The following TBC1D5 variants were observed in gnomAD, a reference collection of about 807,000 sequenced individuals.
TBC1D5 encodes TBC1 domain family member 5, also known as TBC1 domain family, member 5.
Under a neutral mutation model 100.3 loss-of-function variants are expected in TBC1D5, and 75 were observed. The ratio of observed to expected loss-of-function variants is 0.75; its 90% CI spans 0.62 to 0.91. The LOEUF (loss-of-function observed/expected upper bound fraction) is 0.91, where lower values mean the gene tolerates loss of function less well. Among genes scored for constraint, TBC1D5 ranks in the 40% least tolerant of loss-of-function variants. The probability of loss-of-function intolerance (pLI) is 0.00; values close to 1 mark genes in which losing one functional copy is unlikely to be tolerated. For missense variants in TBC1D5, 910 were observed against 942.4 expected (o/e 0.97, Z 0.45); for synonymous variants, 323 against 325.6 (o/e 0.99, Z 0.09).
intron 3 of TBC1D5, among the ~76,000 whole-genome samples, chr3:17,495,253 T>G (rs1480657634): frequency 6.6e-6 from 1 of 152,254 alleles, no homozygotes; most frequent in East Asian, 1.9e-4. Flanking sequence ...TACTTAAATA[T>G]TTATTGCCTA....
chr3:17,735,143 G>C (rs578068898), intron 1 of TBC1D5, among the ~76,000 whole-genome samples: 39 of 152,156 alleles, frequency 2.6e-4, no homozygotes, highest in Admixed American at 1.8e-3. Flanking sequence ...TTTTGACCCA[G>C]CAATTCCACC....
At chr3:17,528,465 A>C (rs1056995191) in intron 2 of TBC1D5, among the ~76,000 whole-genome samples, 1 of 152,214 alleles carries the variant, frequency 6.6e-6, no homozygotes, top group African/African-American at 2.4e-5. Context: ...ACCTGCTCTC[A>C]TCTTGATCTT....
chr3:17,178,716 G>A (rs1003243355), intron 19 of TBC1D5, among the ~76,000 whole-genome samples: 1 of 152,078 alleles, frequency 6.6e-6, no homozygotes, highest in Non-Finnish European at 1.5e-5. Flanking sequence ...GCAGTGGCAT[G>A]AGCATCCGCC....
chr3:17,181,777 T>G (rs2068479454), intron 19 of TBC1D5, among the ~76,000 whole-genome samples: 1 of 152,210 alleles, frequency 6.6e-6, no homozygotes, highest in Non-Finnish European at 1.5e-5. Flanking sequence ...ATAACCTTCC[T>G]TTTACCTAGG....
At chr3:17,189,251 T>C (rs1020852767) in intron 18 of TBC1D5, among the ~76,000 whole-genome samples, 1 of 152,228 alleles carries the variant, frequency 6.6e-6, no homozygotes, top group Non-Finnish European at 1.5e-5. Flanking sequence ...ATACAAAGTT[T>C]TATGATTCAC....
chr3:17,724,974 A>G (rs112625465), intron 1 of TBC1D5, among the ~76,000 whole-genome samples: 24 of 152,246 alleles, frequency 1.6e-4, no homozygotes, highest in African/African-American at 5.3e-4. Context: ...TCACTTGTAG[A>G]GGCTTCATTG....
At chr3:17,690,723 T>C (rs2153828371) in intron 1 of TBC1D5, among the ~76,000 whole-genome samples, 1 of 152,270 alleles carries the variant, frequency 6.6e-6, no homozygotes, top group East Asian at 1.9e-4. Flanking sequence ...GGTTGCGTGC[T>C]CCTTATGAGA....
intron 3 of TBC1D5, among the ~76,000 whole-genome samples, chr3:17,434,993 T>C (rs550204121): frequency 3.9e-5 from 6 of 152,352 alleles, no homozygotes; most frequent in African/African-American, 1.2e-4. Context: ...TCTGTTTGCA[T>C]AGCAAGAGTT....
Position 17,399,808 on chromosome 3 carries a change from C to T in TBC1D5, c.509+3373G>A, listed in dbSNP as rs545214884. Among the ~76,000 whole-genome samples, 4 of 152,230 alleles carry T rather than the reference C, an allele frequency of 2.6e-5. No homozygotes were observed. In the East Asian group the frequency reaches 7.7e-4, roughly 29 times the overall value. ...TGACTTCTTTTTGCTCCTCTAAACA[C>T]TGAGCTCATTTTCATTGAGAAACTA... On this transcript the variant is annotated intron_variant, in intron 8 of 21. Coordinates refer to ENST00000253692, the Ensembl canonical transcript of TBC1D5.
chr3:17,279,883 T>C (rs754435211), intron 15 of TBC1D5, among the ~76,000 whole-genome samples: 5 of 152,338 alleles, frequency 3.3e-5, no homozygotes, highest in Admixed American at 6.5e-5. Flanking sequence ...CTGAAAGCTT[T>C]TGAACAGATT....
intron 1 of TBC1D5, among the ~76,000 whole-genome samples, chr3:17,705,096 G>A (rs1345297976): frequency 1.5e-5 from 2 of 132,728 alleles, no homozygotes; most frequent in Non-Finnish European, 3.3e-5. Flanking sequence ...GGCCAGGCGG[G>A]GGGCTGACCC....
intron 16 of TBC1D5, among the ~76,000 whole-genome samples, chr3:17,243,184 AT>A (rs2076448852): frequency 6.6e-6 from 1 of 152,138 alleles, no homozygotes; most frequent in Admixed American, 6.5e-5. Context: ...TGAGAGAGTT[AT>A]TTATCCTGTC....
At chr3:17,467,867 A>C (rs1312710600) in intron 3 of TBC1D5, among the ~76,000 whole-genome samples, 1 of 152,226 alleles carries the variant, frequency 6.6e-6, no homozygotes, top group Non-Finnish European at 1.5e-5. Flanking sequence ...ACTGTACTGC[A>C]GTCTAGGAAA....
intron 13 of TBC1D5, among the ~76,000 whole-genome samples, chr3:17,342,173 T>C (rs1232068499): frequency 6.6e-6 from 1 of 152,252 alleles, no homozygotes; most frequent in Non-Finnish European, 1.5e-5. Flanking sequence ...CTGAGACTTA[T>C]CTTTGTCACT....
chr3:17,643,226 T>C (rs951824054), intron 1 of TBC1D5, among the ~76,000 whole-genome samples: 35 of 152,110 alleles, frequency 2.3e-4, no homozygotes, highest in African/African-American at 8.4e-4. Flanking sequence ...CGTCTTCTCA[T>C]GATGAAACTG....
At chr3:17,653,496 T>C (rs1027180207) in intron 1 of TBC1D5, among the ~76,000 whole-genome samples, 1 of 151,984 alleles carries the variant, frequency 6.6e-6, no homozygotes, top group Non-Finnish European at 1.5e-5. Flanking sequence ...TTCTAAAATA[T>C]AGCTGACCAG....
At chr3:17,703,917 T>G (rs540598534) in intron 1 of TBC1D5, among the ~76,000 whole-genome samples, 14 of 149,620 alleles carry the variant, frequency 9.4e-5, no homozygotes, top group Middle Eastern at 3.4e-3. Context: ...TTTTTTTGTT[T>G]TTTTTTTTTT....
intron 1 of TBC1D5, chr3:17,706,076 A>C: frequency 6.2e-7 from 1 of 1,602,574 alleles, no homozygotes; most frequent in Non-Finnish European, 8.5e-7. Flanking sequence ...CCCCGACCCC[A>C]GACTGGGCGG....
At chr3:17,343,941 G>A (rs1227544860) in intron 13 of TBC1D5, among the ~76,000 whole-genome samples, 5 of 151,920 alleles carry the variant, frequency 3.3e-5, no homozygotes, top group Non-Finnish European at 7.4e-5. Context: ...TTAATTTTTT[G>A]AAGGGTTTTT....
Sources: gnomAD v4.1 joint callset for allele counts (sites outside exome capture counted in the v4.1 genomes callset) on GRCh38, gnomAD v4.1.1 for gene constraint, MANE v1.5 for transcripts, NCBI Gene and HGNC (gene_info 2026-07-23, HGNC 2026-07-21) for gene names.